The following STK33 variants were observed in gnomAD, a reference collection of about 807,000 sequenced individuals.
STK33 encodes serine/threonine-protein kinase 33.
In STK33, 52 loss-of-function variants were observed where a neutral mutation model predicts 58.0. The observed-to-expected ratio is 0.90, with a 90% confidence interval of 0.72 to 1.13. The LOEUF is 1.13. Among genes scored for constraint, STK33 ranks in the 50% most tolerant of loss-of-function variants. The probability of loss-of-function intolerance (pLI) is 0.00; values close to 1 mark genes in which losing one functional copy is unlikely to be tolerated. For missense variants in STK33, 630 were observed against 604.2 expected (o/e 1.04, Z -0.45); for synonymous variants, 215 against 200.1 (o/e 1.07, Z -0.63).
intron 1 of STK33, among the ~76,000 whole-genome samples, chr11:8,493,914 C>T (rs1950843566): frequency 1.3e-5 from 2 of 152,156 alleles, no homozygotes; most frequent in African/African-American, 4.8e-5. Context: ...ATGCTAAAGA[C>T]TCTCAAAAAA....
the STK33 span, among the ~76,000 whole-genome samples, chr11:8,382,999 G>A: frequency 6.6e-6 from 1 of 152,182 alleles, no homozygotes; most frequent in Admixed American, 6.5e-5. Flanking sequence ...ATGCTTCAGG[G>A]ACACATTGTC....
At chr11:8,498,397 T>G (rs1951226985) in intron 1 of STK33, among the ~76,000 whole-genome samples, 1 of 152,084 alleles carries the variant, frequency 6.6e-6, no homozygotes, top group Non-Finnish European at 1.5e-5. Context: ...GTGAAGGACC[T>G]CTTCAAGGGG....
chr11:8,576,810 T>C (rs1338340699), intron 1 of STK33, among the ~76,000 whole-genome samples: 2 of 152,170 alleles, frequency 1.3e-5, no homozygotes, highest in Non-Finnish European at 2.9e-5. Context: ...TCTGCTAACA[T>C]GCCAAACTCC....
intron 15 of STK33, among the ~76,000 whole-genome samples, chr11:8,402,304 T>G (rs574810593): frequency 0.028 from 4,254 of 152,306 alleles, 100 homozygotes; most frequent in Middle Eastern, 0.051. Flanking sequence ...GATGAGTTCA[T>G]GTCCTTTGTA....
At chr11:8,385,936 G>A in the STK33 span, among the ~76,000 whole-genome samples, 537 of 152,068 alleles carry the variant, frequency 3.5e-3, 4 homozygotes, top group African/African-American at 0.011. Context: ...CACCACGCCC[G>A]GCTAATTTTT....
chr11:8,355,507 T>C, the STK33 span, among the ~76,000 whole-genome samples: 6 of 152,234 alleles, frequency 3.9e-5, no homozygotes, highest in Non-Finnish European at 1.5e-5. Flanking sequence ...GAGGAATGAC[T>C]TGGCTGTCCT....
the STK33 span, among the ~76,000 whole-genome samples, chr11:8,374,911 G>A: frequency 3.3e-5 from 5 of 152,136 alleles, no homozygotes; most frequent in African/African-American, 7.2e-5. Context: ...TCTGGCGGCC[G>A]CCTCATCTCC....
chr11:8,462,442 TACACACACAC>T (rs10635095), intron 7 of STK33, among the ~76,000 whole-genome samples: 5 of 128,328 alleles, frequency 3.9e-5, no homozygotes, highest in South Asian at 2.5e-4. Flanking sequence ...TATACATATA[TACACACACAC>T]ACACACACAC....
intron 1 of STK33, among the ~76,000 whole-genome samples, chr11:8,511,679 T>TA (rs2139471823): frequency 6.6e-6 from 1 of 152,328 alleles, no homozygotes; most frequent in East Asian, 1.9e-4. Flanking sequence ...TGAGAGTTTT[T>TA]ATCATAAAGA....
chr11:8,409,657 A>C (rs1432221884), intron 15 of STK33, among the ~76,000 whole-genome samples: 2 of 152,180 alleles, frequency 1.3e-5, no homozygotes, highest in African/African-American at 4.8e-5. Flanking sequence ...TGAAAATGAA[A>C]TTTCTTGGTC....
At chr11:8,519,640 A>C (rs367602927) in intron 1 of STK33, among the ~76,000 whole-genome samples, 286 of 152,322 alleles carry the variant, frequency 1.9e-3, no homozygotes, top group South Asian at 0.01. Flanking sequence ...AATAGACACA[A>C]TAAAAAATGA....
chr11:8,484,941 T>C (rs1209428035), intron 1 of STK33, among the ~76,000 whole-genome samples: 1 of 152,180 alleles, frequency 6.6e-6, no homozygotes, highest in Non-Finnish European at 1.5e-5. Context: ...TAAAGGCAAC[T>C]GAGAAGAGAG....
At chr11:8,569,862 T>C (rs1241530783) in intron 1 of STK33, among the ~76,000 whole-genome samples, 2 of 152,038 alleles carry the variant, frequency 1.3e-5, no homozygotes, top group African/African-American at 4.8e-5. Context: ...GAGGCTGAGA[T>C]GGGAGAATCA....
intron 1 of STK33, among the ~76,000 whole-genome samples, chr11:8,482,546 TA>T (rs1949889923): frequency 6.6e-6 from 1 of 152,076 alleles, no homozygotes; most frequent in Admixed American, 6.6e-5. Flanking sequence ...GAACAAAGTA[TA>T]AAAGTGATAC....
intron 1 of STK33, among the ~76,000 whole-genome samples, chr11:8,489,115 G>A (rs1950391609): frequency 6.6e-6 from 1 of 151,914 alleles, no homozygotes; most frequent in African/African-American, 2.4e-5. Flanking sequence ...GAATCAGCCA[G>A]GCATGGTGGC....
At chr11:8,445,459 G>T (rs1438047191) in intron 11 of STK33, among the ~76,000 whole-genome samples, 2 of 152,128 alleles carry the variant, frequency 1.3e-5, no homozygotes, top group Non-Finnish European at 2.9e-5. Context: ...TCTTCTGCCA[G>T]TTTTCAAAGG....
the STK33 span, among the ~76,000 whole-genome samples, chr11:8,359,505 G>C: frequency 6.6e-6 from 1 of 152,226 alleles, no homozygotes; most frequent in Non-Finnish European, 1.5e-5. Flanking sequence ...GGGGAAAACA[G>C]AAGCCCAGAC....
intron 1 of STK33, among the ~76,000 whole-genome samples, chr11:8,482,277 C>T (rs935946927): frequency 6.6e-6 from 1 of 152,136 alleles, no homozygotes; most frequent in Non-Finnish European, 1.5e-5. Flanking sequence ...ACCAGAACTA[C>T]CCAATAAGAA....
chr11:8,462,978 T>C (rs1324422434), intron 7 of STK33, among the ~76,000 whole-genome samples: 4 of 152,146 alleles, frequency 2.6e-5, no homozygotes, highest in Admixed American at 2.6e-4. Context: ...GGAGAGTACA[T>C]AATGGTTCTT....
Sources: gnomAD v4.1 joint callset for allele counts (sites outside exome capture counted in the v4.1 genomes callset) on GRCh38, gnomAD v4.1.1 for gene constraint, MANE v1.5 for transcripts, NCBI Gene and HGNC (gene_info 2026-07-23, HGNC 2026-07-21) for gene names.